The following NEGR1 variants were observed in gnomAD, a reference collection of about 807,000 sequenced individuals.
The protein encoded by NEGR1 is IgLON family member 4.
A neutral mutation model predicts 40.9 loss-of-function variants in NEGR1; 10 were observed. The observed-to-expected ratio is 0.24, with a 90% CI of 0.15 to 0.42. NEGR1 has a LOEUF of 0.42. Ranked by LOEUF, NEGR1 falls within the 10% of genes least tolerant of loss-of-function variation. The pLI is 1.00. For missense variants in NEGR1, 352 were observed against 438.9 expected (o/e 0.80, Z 1.77); for synonymous variants, 185 against 166.8 (o/e 1.11, Z -0.84).
intron 1 of NEGR1, 120 bp downstream of exon 1, chr1:72,282,199 G>T (rs1426513546): frequency 2.5e-6 from 3 of 1,181,672 alleles, no homozygotes; most frequent in African/African-American, 3.1e-5. Flanking sequence ...TTGGGATGTG[G>T]TCTTTCCATG....
At chr1:71,839,415 T>C (rs1167555168) in intron 2 of NEGR1, among the ~76,000 whole-genome samples, 2 of 151,720 alleles carry the variant, frequency 1.3e-5, no homozygotes, top group African/African-American at 2.4e-5. Flanking sequence ...TTCGCCATAT[T>C]GGCCAGGCTG....
intron 4 of NEGR1, among the ~76,000 whole-genome samples, chr1:71,685,906 G>A (rs997513981): frequency 4.6e-5 from 7 of 152,190 alleles, no homozygotes; most frequent in Admixed American, 3.3e-4. Flanking sequence ...GCATCGCGAC[G>A]GAGCTTAGCT....
At chr1:71,837,066 T>C (rs1237761816) in intron 2 of NEGR1, 1 of 152,150 alleles carries the variant, frequency 6.6e-6, no homozygotes, top group Non-Finnish European at 1.5e-5. Context: ...TAATGCTGTT[T>C]ACCGTCAAGT....
intron 1 of NEGR1, among the ~76,000 whole-genome samples, chr1:72,210,745 CA>C (rs1158319470): frequency 3.3e-5 from 5 of 151,862 alleles, no homozygotes; most frequent in African/African-American, 1.2e-4. Flanking sequence ...TTTGCATAAC[CA>C]GTGAACCAGT....
intron 5 of NEGR1, among the ~76,000 whole-genome samples, chr1:71,607,587 T>C (rs1426297540): frequency 1.3e-5 from 2 of 152,256 alleles, no homozygotes; most frequent in Non-Finnish European, 2.9e-5. Flanking sequence ...ATATTTACCT[T>C]ACAGGTTTGT....
At chr1:71,898,786 G>A (rs2101859685) in intron 2 of NEGR1, among the ~76,000 whole-genome samples, 1 of 146,066 alleles carries the variant, frequency 6.8e-6, no homozygotes, top group Middle Eastern at 3.6e-3. Flanking sequence ...CCATTTAAAA[G>A]AAAACAGAGC....
In NEGR1 at chr1:71,990,957, C is replaced by T. The variant is rs76906780; in HGVS notation, c.177-55646G>A. On this transcript the variant is annotated intron_variant, in intron 1 of 6. Transcript: ENST00000357731. ...GACTAGAAGACATTCACAGATACCA[C>T]AAATTCACTGTGTCCAATTGAACAG... Among the ~76,000 whole-genome samples, 1,036 of 151,212 alleles carry T rather than the reference C, an allele frequency of 6.9e-3. 13 individuals carry two copies. Among genetic ancestry groups the T allele is most frequent in the African/African-American group, 0.024 (974 of 41,196 alleles).
At chr1:71,717,279 C>G (rs562341733) in intron 3 of NEGR1, among the ~76,000 whole-genome samples, 1 of 152,190 alleles carries the variant, frequency 6.6e-6, no homozygotes, top group Non-Finnish European at 1.5e-5. Context: ...AACTGGGTAT[C>G]AGAAAATACT....
intron 1 of NEGR1, among the ~76,000 whole-genome samples, chr1:72,150,051 T>C (rs1446864859): frequency 6.6e-6 from 1 of 152,106 alleles, no homozygotes; most frequent in Non-Finnish European, 1.5e-5. Flanking sequence ...TGTCTTCACA[T>C]ATCACTATTC....
At chr1:71,918,216 C>A (rs1212465587) in intron 2 of NEGR1, among the ~76,000 whole-genome samples, 4 of 24,742 alleles carry the variant, frequency 1.6e-4, no homozygotes, top group Admixed American at 6.8e-4. Context: ...GACTCTGTCT[C>A]AAAAAAAAAA....
intron 6 of NEGR1, among the ~76,000 whole-genome samples, chr1:71,571,500 C>G (rs1410469925): frequency 1.3e-5 from 2 of 152,136 alleles, no homozygotes; most frequent in Non-Finnish European, 2.9e-5. Flanking sequence ...AAAAAGTTTT[C>G]AAAATGTTGC....
intron 1 of NEGR1, among the ~76,000 whole-genome samples, chr1:71,991,030 G>T: frequency 6.6e-6 from 1 of 151,088 alleles, no homozygotes; most frequent in African/African-American, 2.4e-5. Context: ...CCCTATCTTT[G>T]AATAAATATC....
At chr1:72,171,450 C>T (rs879813429) in intron 1 of NEGR1, among the ~76,000 whole-genome samples, 1 of 152,150 alleles carries the variant, frequency 6.6e-6, no homozygotes, top group Non-Finnish European at 1.5e-5. Flanking sequence ...TCAGAAGCTG[C>T]TCTCAAGTAG....
intron 6 of NEGR1, among the ~76,000 whole-genome samples, chr1:71,489,286 G>C (rs357220): frequency 0.091 from 13,847 of 151,806 alleles, 1,610 homozygotes; most frequent in African/African-American, 0.27. Flanking sequence ...AAACAACCAA[G>C]GTAATAGCAG....
intron 2 of NEGR1, among the ~76,000 whole-genome samples, chr1:71,816,688 A>G (rs1658228034): frequency 6.6e-6 from 1 of 151,974 alleles, no homozygotes; most frequent in Non-Finnish European, 1.5e-5. Flanking sequence ...CAGCTAAACC[A>G]TATCACTTTG....
intron 6 of NEGR1, chr1:71,472,713 C>A (rs1646790201): frequency 6.6e-6 from 1 of 152,036 alleles, no homozygotes; most frequent in Non-Finnish European, 1.5e-5. Flanking sequence ...ACTTTTGCTC[C>A]ATTCTGATAC....
At position 72,077,553 on chromosome 1, in the gene NEGR1, G is replaced by C. The variant is rs1557515141; in HGVS notation, c.177-142242C>G. The stretch of plus-strand genomic sequence containing the variant: ...GCCTGTAATCCCAGCACTTCGGGAG[G>C]CTGAAGTTGGGGTATGGCTTGTGCC... On this transcript the variant is annotated intron_variant, in intron 1 of 6. Coordinates refer to ENST00000357731, the MANE Select transcript of NEGR1 (RefSeq NM_173808.3). Among the ~76,000 whole-genome samples, 3 of 152,152 alleles carry C rather than the reference G, an allele frequency of 2.0e-5. No individual in the cohort carries two copies. In the East Asian group the frequency reaches 5.8e-4, roughly 29 times the overall value.
At chr1:71,914,581 T>G (rs2101876330) in intron 2 of NEGR1, among the ~76,000 whole-genome samples, 1 of 152,354 alleles carries the variant, frequency 6.6e-6, no homozygotes, top group South Asian at 2.1e-4. Context: ...TGTAAGCCCC[T>G]TCTCTCTTTC....
At chr1:71,804,454 G>C (rs1657678799) in intron 2 of NEGR1, among the ~76,000 whole-genome samples, 1 of 152,230 alleles carries the variant, frequency 6.6e-6, no homozygotes, top group African/African-American at 2.4e-5. Flanking sequence ...GAATCACAGT[G>C]TTGTGGGAAG....
Sources: gnomAD v4.1 joint callset for allele counts (sites outside exome capture counted in the v4.1 genomes callset) on GRCh38, gnomAD v4.1.1 for gene constraint, MANE v1.5 for transcripts, NCBI Gene and HGNC (gene_info 2026-07-23, HGNC 2026-07-21) for gene names.